The following ZNF250 variants were observed in gnomAD, a reference collection of about 807,000 sequenced individuals.
The protein encoded by ZNF250 is zinc finger protein (clone 647).
ZNF250 carries 13 observed loss-of-function variants against 37.1 expected under a neutral mutation model. The ratio of observed to expected loss-of-function variants is 0.35; its 90% CI spans 0.23 to 0.56. The LOEUF is 0.56. Ranked by LOEUF, ZNF250 falls within the 20% of genes least tolerant of loss-of-function variation. The pLI is 0.87. For synonymous variants in ZNF250, 251 were observed against 265.6 expected, an observed-to-expected ratio of 0.94 and a Z score of 0.54; for missense variants, 474 against 697.9, an observed-to-expected ratio of 0.68 and a Z score of 3.61.
chr8:144,887,164 C>T (rs879788304), intron 4 of ZNF250, among the ~76,000 whole-genome samples: 5 of 145,528 alleles, frequency 3.4e-5, no homozygotes, highest in Non-Finnish European at 7.4e-5. Context: ...GCAGGAGAAT[C>T]GCTTGAACCC....
In ZNF250 at chr8:144,881,481, T is replaced by A. The variant is rs772491403; in HGVS notation, c.*34A>T. ...GGCTGCTTGTGGTTCCACATGCAGT[T>A]TCTGTGAGAATGGATTCTTGTGTCA... On this transcript the variant is annotated 3_prime_UTR_variant, in exon 6 of 6. Coordinates refer to ENST00000417550, the MANE Select transcript of ZNF250 (RefSeq NM_001109689.4). 1 of 1,546,716 alleles carries A rather than the reference T, an allele frequency of 6.5e-7. No homozygotes were observed. Among genetic ancestry groups the A allele is most frequent in the East Asian group, 2.3e-5 (1 of 44,184 alleles).
At position 144,880,356 on chromosome 8, in the gene ZNF250, G is replaced by A; in HGVS notation, c.*1159C>T. ...GGGGAAATACCATAAGATGTAAAGA[G>A]GTACCCACTTGGTGTAACAGCTATG... On this transcript the variant is annotated 3_prime_UTR_variant, in exon 6 of 6. Coordinates refer to ENST00000417550, the MANE Select transcript of ZNF250 (RefSeq NM_001109689.4). 2.2e-6 allele frequency: 1 copy of A among 451,106 alleles called. No homozygotes were observed. Among genetic ancestry groups the A allele is most frequent in the South Asian group, 1.6e-5 (1 of 64,318 alleles). 27.9% of individuals were successfully genotyped at this position (451,106 alleles called of 1,614,324 possible).
intron 1 of ZNF250, among the ~76,000 whole-genome samples, chr8:144,900,413 G>GT (rs1168219246): frequency 1.3e-5 from 2 of 151,954 alleles, no homozygotes; most frequent in Non-Finnish European, 2.9e-5. Flanking sequence ...AAAAAAGGGT[G>GT]TGCGTGCGTG....
In ZNF250 at chr8:144,896,613, A is replaced by G. The variant is rs78213536; in HGVS notation, c.-55+4786T>C. ...TAACAACACACTCCATCCACACTTC[A>G]CGGGATTCTGACGTCCAACTCCAAG... is the stretch of plus-strand genomic sequence containing the variant. On this transcript the variant is annotated intron_variant, in intron 1 of 5. Coordinates refer to ENST00000417550, the MANE Select transcript of ZNF250 (RefSeq NM_001109689.4). Among the ~76,000 whole-genome samples, 2,340 of 152,238 alleles carry G rather than the reference A, an allele frequency of 0.015. 182 individuals carry two copies. In the East Asian group the frequency reaches 0.22, roughly 14 times the overall value.
rs564272808 is a variant in ZNF250, at chr8:144,900,812, G to A, written c.-55+587C>T. ...AAAGTGGCGCTCCCGGTGCGCCGCCGGGGTCTTCATGGGGCTCCTCAGGAT... is the reference window on the plus strand; with the variant it reads ...AAAGTGGCGCTCCCGGTGCGCCGCCAGGGTCTTCATGGGGCTCCTCAGGAT... On this transcript the variant is annotated intron_variant, in intron 1 of 5. Transcript: ENST00000417550. Among the ~76,000 whole-genome samples the A allele has an allele frequency of 3.9e-5, 6 of 152,258 alleles. No individual in the cohort carries two copies. The South Asian group carries it at 1.0e-3, about 26-fold the overall frequency.
intron 1 of ZNF250, among the ~76,000 whole-genome samples, chr8:144,895,734 G>A (rs1195049001): frequency 6.6e-6 from 1 of 152,026 alleles, no homozygotes; most frequent in African/African-American, 2.4e-5. Flanking sequence ...AATCGGCCAG[G>A]CGCAGTGGCT....
Position 144,889,641 on chromosome 8 carries a change from G to T in ZNF250, c.223C>A (p.Pro75Thr), listed in dbSNP as rs1832169761. ...GCCCCCTTCCTGTCCAGGACCCAGG[G>T]ATCTTCCCCTCGCTCCAGCTGGGAG... Reference protein sequence around the residue: ...IISQLERGEDPWVLDRKGAKK... With the variant: ...IISQLERGEDTWVLDRKGAKK... The change falls in exon 4 of 6, where the codon CCC becomes ACC. Residue 75 changes from proline (P) to threonine (T), a missense_variant. This residue lies in a region of ZNF250 where 192 missense variants were observed against 227.5 expected (regional missense o/e 0.84). Transcript: ENST00000417550. 6.2e-7 allele frequency: 1 copy of T among 1,613,882 alleles called. No individual in the cohort carries two copies. The highest frequency in any genetic ancestry group is 1.3e-5 in the African/African-American group (1 of 74,924).
At chr8:144,892,390 T>C (rs1832406029) in intron 1 of ZNF250, among the ~76,000 whole-genome samples, 1 of 152,170 alleles carries the variant, frequency 6.6e-6, no homozygotes, top group Admixed American at 6.5e-5. Context: ...AGGAAGCCGC[T>C]GCAATTAAAC....
In ZNF250 at chr8:144,890,520, G is replaced by A. The variant is rs1197999155; in HGVS notation, c.-54-117C>T. The stretch of plus-strand genomic sequence containing the variant: ...TCACTGAGGGGCACACTGAGGTCAG[G>A]TGCAAGGAGCTGCTACTGTTGCAGC... On this transcript the variant is annotated intron_variant, in intron 1 of 5. Coordinates refer to ENST00000417550, the MANE Select transcript of ZNF250 (RefSeq NM_001109689.4). The surrounding 1 kb of genome is among the most constrained non-coding windows in gnomAD (Gnocchi z 5.1). 3.7e-6 allele frequency: 2 copies of A among 545,942 alleles called. No homozygotes were observed. The highest frequency in any genetic ancestry group is 1.9e-5 in the African/African-American group (1 of 53,758). 33.8% of individuals were successfully genotyped at this position (545,942 alleles called of 1,614,324 possible). A position where few individuals can be genotyped will look rare whatever the true frequency, so the allele number is the denominator to read the frequency against.
chr8:144,888,465 C>T (rs1200659018), intron 4 of ZNF250, among the ~76,000 whole-genome samples: 3 of 151,846 alleles, frequency 2.0e-5, no homozygotes, highest in African/African-American at 7.3e-5. Context: ...GGTATAGGGG[C>T]ATGGACCTGT....
intron 1 of ZNF250, among the ~76,000 whole-genome samples, chr8:144,896,254 G>A (rs538466134): frequency 2.3e-4 from 35 of 151,906 alleles, no homozygotes; most frequent in Non-Finnish European, 3.7e-4. Context: ...GGCTGAGATG[G>A]GAAGATTGCT....
intron 4 of ZNF250, among the ~76,000 whole-genome samples, chr8:144,889,319 C>G (rs925426565): frequency 1.3e-5 from 2 of 152,226 alleles, no homozygotes; most frequent in Admixed American, 1.3e-4. Context: ...GGGACAGAAT[C>G]ACTGCAGCCA....
In ZNF250 at chr8:144,882,950, G is replaced by A. The variant is rs1325165724; in HGVS notation, c.347-114C>T. 2 of 1,142,562 alleles carry A rather than the reference G, an allele frequency of 1.8e-6. No individual in the cohort carries two copies. Among genetic ancestry groups the A allele is most frequent in the African/African-American group, 3.1e-5 (2 of 64,410 alleles). The allele number at this position is 1,142,562 out of a possible 1,614,324, so 70.8% of individuals were successfully genotyped here. ...TGCAAAATCCCTCAATGCACACGTT[G>A]GTGTGAGCTACAGAAGAACAGAACC... On this transcript the variant is annotated intron_variant, in intron 5 of 5. Transcript: ENST00000417550. This position sits in a 1 kb window ranked among gnomAD's most constrained non-coding sequence, Gnocchi z 5.5.
At chr8:144,896,545 C>T (rs983905530) in intron 1 of ZNF250, among the ~76,000 whole-genome samples, 3 of 152,080 alleles carry the variant, frequency 2.0e-5, no homozygotes, top group Admixed American at 2.0e-4. Context: ...ATACTCAAGA[C>T]AGGAAAATGT....
At chr8:144,896,296 G>A (rs909627321) in intron 1 of ZNF250, among the ~76,000 whole-genome samples, 1 of 151,844 alleles carries the variant, frequency 6.6e-6, no homozygotes, top group South Asian at 2.1e-4. Flanking sequence ...GCAGTAAGCT[G>A]TAACTGCACC....
intron 1 of ZNF250, among the ~76,000 whole-genome samples, chr8:144,899,982 C>G (rs1487071183): frequency 6.6e-6 from 1 of 152,144 alleles, no homozygotes; most frequent in African/African-American, 2.4e-5. Context: ...TTTAAATTTT[C>G]TATTTTGAAA....
At position 144,878,545 on chromosome 8, in the gene ZNF250, A is replaced by G. The variant is rs867515539; in HGVS notation, c.*2970T>C. The G allele has an allele frequency of 6.6e-6, 1 of 152,108 alleles. No homozygotes were observed. Among genetic ancestry groups the G allele is most frequent in the African/African-American group, 2.4e-5 (1 of 41,406 alleles). 9.4% of individuals were successfully genotyped at this position (152,108 alleles called of 1,614,324 possible). ...CCATCTTGGTCCTGAATAATACCTC[A>G]GTAACCTCAGCTCCTCCCTTAAGTA... On this transcript the variant is annotated 3_prime_UTR_variant, in exon 6 of 6. Transcript: ENST00000417550.
rs1265601487 is a variant in ZNF250, at chr8:144,881,971, T to C, written c.1212A>G (p.Thr404=). The stretch of plus-strand genomic sequence containing the variant: ...TGTGGATCCGCTCGTGATTCATCAG[T>C]GTGGAGCGGTGGCTGAAGGTCTTCC... ...ECGKTFSHRS[T]LMNHERIHTE... The change falls in exon 6 of 6, where the codon ACA becomes ACG. Residue 404 remains threonine, a synonymous_variant. Transcript: ENST00000417550. The C allele has an allele frequency of 6.2e-7, 1 of 1,612,904 alleles. No individual in the cohort carries two copies. The highest frequency in any genetic ancestry group is 8.5e-7 in the Non-Finnish European group (1 of 1,179,700).
At chr8:144,889,516 G>A in intron 4 of ZNF250, 65 bp downstream of exon 4, 1 of 1,327,158 alleles carries the variant, frequency 7.5e-7, no homozygotes, top group African/African-American at 1.5e-5. Flanking sequence ...TATGAACTAG[G>A]TCCACAGCTT....
Sources: allele counts gnomAD v4.1 joint callset (sites outside exome capture counted in the v4.1 genomes callset), GRCh38; gene constraint gnomAD v4.1.1; regional missense constraint gnomAD v4.1.1; non-coding constraint Gnocchi (gnomAD v3.1); transcripts MANE v1.5; gene names NCBI Gene and HGNC (gene_info 2026-07-23, HGNC 2026-07-21).